The following ABCA5 variants were observed in gnomAD, a reference collection of about 807,000 sequenced individuals.
The protein encoded by ABCA5 is ATP binding cassette subfamily A member 5.
ABCA5 carries 163 observed loss-of-function variants against 206.0 expected under a neutral mutation model. The ratio of observed to expected loss-of-function variants is 0.79; its 90% confidence interval spans 0.70 to 0.90. ABCA5 has a LOEUF of 0.90. ABCA5 is among the 40% of genes least tolerant of loss of function. The pLI is 0.00. For missense variants in ABCA5, 1,859 were observed against 1,912.9 expected (o/e 0.97, Z 0.53); for synonymous variants, 609 against 613.8 (o/e 0.99, Z 0.11).
chr17:69,324,096 T>C (rs140041588), intron 1 of ABCA5, among the ~76,000 whole-genome samples: 170 of 152,184 alleles, frequency 1.1e-3, no homozygotes, highest in African/African-American at 3.7e-3. Context: ...ACAAAAAACG[T>C]TGGTCAACTC....
intron 24 of ABCA5, among the ~76,000 whole-genome samples, 163 bp downstream of exon 24, chr17:69,264,572 A>T (rs2075187104): frequency 6.6e-6 from 1 of 152,200 alleles, no homozygotes; most frequent in Admixed American, 6.5e-5. Context: ...AAAGTCACTT[A>T]TCATATAAAA....
Position 69,286,306 on chromosome 17 carries a change from T to C in ABCA5, c.2047A>G (p.Lys683Glu). ...MDEADILADR[K>E]AVISQGMLKC... ...AGCATTCCTTGTGATATCACAGCTT[T>C]CCTATCTGCAGATAAATATTTACAT... Residue 683 changes from lysine (K) to glutamate (E), a missense_variant, in exon 16 of 39, where the codon AAA (lysine) becomes GAA (glutamate). Coordinates refer to ENST00000392676, the MANE Select transcript of ABCA5 (RefSeq NM_172232.4). 1 of 1,589,362 alleles carries C rather than the reference T, an allele frequency of 6.3e-7. No homozygotes were observed. The highest frequency in any genetic ancestry group is 8.5e-7 in the Non-Finnish European group (1 of 1,173,702).
At chr17:69,294,505 G>A in intron 11 of ABCA5, 150 bp downstream of exon 11, 2 of 696,258 alleles carry the variant, frequency 2.9e-6, no homozygotes, top group Non-Finnish European at 4.6e-6. Context: ...CTGGGTGACA[G>A]AGCGAGACTC....
At chr17:69,278,754 C>A (rs2075359588) in intron 18 of ABCA5, among the ~76,000 whole-genome samples, 1 of 152,108 alleles carries the variant, frequency 6.6e-6, no homozygotes, top group South Asian at 2.1e-4. Flanking sequence ...TGTTAAAATT[C>A]TAGCATATAA....
intron 11 of ABCA5, among the ~76,000 whole-genome samples, chr17:69,293,100 G>A (rs1444706361): frequency 1.3e-5 from 2 of 152,120 alleles, no homozygotes; most frequent in African/African-American, 2.4e-5. Flanking sequence ...AACTGGGAGA[G>A]GATGTTTAGC....
chr17:69,304,046 A>G (rs968273301), intron 7 of ABCA5: 3 of 150,510 alleles, frequency 2.0e-5, no homozygotes, highest in Non-Finnish European at 4.4e-5. Context: ...TGTCTCAAAA[A>G]AGTAAAATTA....
intron 1 of ABCA5, among the ~76,000 whole-genome samples, chr17:69,319,523 A>G (rs1163317548): frequency 6.6e-6 from 1 of 152,116 alleles, no homozygotes; most frequent in Non-Finnish European, 1.5e-5. Flanking sequence ...CACACAAACC[A>G]TCACCACCAC....
intron 28 of ABCA5, among the ~76,000 whole-genome samples, chr17:69,257,418 T>C (rs1475867467): frequency 7.3e-5 from 11 of 150,008 alleles, no homozygotes; most frequent in African/African-American, 2.2e-4. Flanking sequence ...AGCCTGCAGA[T>C]TAGTTAAATA....
chr17:69,313,270 TAAAAA>T lies in ABCA5; in HGVS notation c.124_128del (p.Phe42IlefsTer7). On this transcript the variant is annotated frameshift_variant, in exon 3 of 39. Coordinates refer to ENST00000392676, the MANE Select transcript of ABCA5 (RefSeq NM_172232.4). LOFTEE classifies it high-confidence loss of function. The stretch of plus-strand genomic sequence containing the variant: ...TCATGCTAATTAATATTAACCAAAA[TAAAAA>T]AAATAGTGGAAAAAGAATTTCCTAC... The T allele has an allele frequency of 2.1e-6, 3 of 1,417,508 alleles. No homozygotes were observed. The highest frequency in any genetic ancestry group is 2.9e-6 in the Non-Finnish European group (3 of 1,028,718). The allele number at this position is 1,417,508 out of a possible 1,614,324, so 87.8% of individuals were successfully genotyped here.
At chr17:69,287,854 T>C in intron 14 of ABCA5, 103 bp from the exon 15 acceptor site, 1 of 1,118,106 alleles carries the variant, frequency 8.9e-7, no homozygotes, top group Non-Finnish European at 1.2e-6. Flanking sequence ...ATTATTATTT[T>C]CAATCAGAAA....
intron 18 of ABCA5, among the ~76,000 whole-genome samples, chr17:69,281,298 G>T (rs573490603): frequency 3.3e-5 from 5 of 151,262 alleles, no homozygotes; most frequent in Non-Finnish European, 7.4e-5. Flanking sequence ...AATATAAAAA[G>T]AAATCAGATT....
At chr17:69,253,913 A>G in intron 32 of ABCA5, 44 bp from the exon 33 acceptor site, 1 of 1,459,140 alleles carries the variant, frequency 6.9e-7, no homozygotes, top group Non-Finnish European at 9.5e-7. Flanking sequence ...TGATATATAT[A>G]AACACAAATA....
intron 10 of ABCA5, among the ~76,000 whole-genome samples, chr17:69,296,582 C>A (rs2075585573): frequency 6.6e-6 from 1 of 152,148 alleles, no homozygotes; most frequent in Non-Finnish European, 1.5e-5. Flanking sequence ...TAATATTTAT[C>A]ATGTTTCAGT....
intron 18 of ABCA5, among the ~76,000 whole-genome samples, chr17:69,280,339 A>G (rs1304939651): frequency 6.6e-6 from 1 of 152,210 alleles, no homozygotes; most frequent in Non-Finnish European, 1.5e-5. Context: ...ATGAGATACC[A>G]TCTCACACCA....
At chr17:69,323,218 G>C (rs193237321) in intron 1 of ABCA5, among the ~76,000 whole-genome samples, 52 of 152,234 alleles carry the variant, frequency 3.4e-4, no homozygotes, top group African/African-American at 1.3e-3. Flanking sequence ...ATAAAAGACC[G>C]CTGACTGTGA....
At chr17:69,305,827 T>A (rs969727297) in intron 6 of ABCA5, among the ~76,000 whole-genome samples, 1 of 152,090 alleles carries the variant, frequency 6.6e-6, no homozygotes, top group Non-Finnish European at 1.5e-5. Flanking sequence ...CCCATGATCA[T>A]GCCACTATAC....
At chr17:69,271,663 C>T (rs2075275694) in intron 20 of ABCA5, among the ~76,000 whole-genome samples, 1 of 151,832 alleles carries the variant, frequency 6.6e-6, no homozygotes, top group South Asian at 2.1e-4. Context: ...CTGCTGCCAC[C>T]ACTGCTGCTG....
At chr17:69,316,554 T>A (rs1189845675) in intron 1 of ABCA5, among the ~76,000 whole-genome samples, 1 of 139,916 alleles carries the variant, frequency 7.1e-6, no homozygotes, top group African/African-American at 2.7e-5. Flanking sequence ...TTTCATATTA[T>A]CAGATTTATA....
At chr17:69,311,388 T>A (rs1305640012) in intron 3 of ABCA5, among the ~76,000 whole-genome samples, 1 of 152,178 alleles carries the variant, frequency 6.6e-6, no homozygotes, top group African/African-American at 2.4e-5. Context: ...GTTCTGTTGT[T>A]AAAAATACAG....
Sources: allele counts gnomAD v4.1 joint callset (sites outside exome capture counted in the v4.1 genomes callset), GRCh38; gene constraint gnomAD v4.1.1; transcripts MANE v1.5; gene names NCBI Gene and HGNC (gene_info 2026-07-23, HGNC 2026-07-21).